Variants in AMZ1 observed in about 807,000 individuals in gnomAD.
AMZ1 encodes archaelysin family metallopeptidase 1, also known as archaemetzincin-1.
AMZ1 carries 39 observed loss-of-function variants against 29.9 expected under a neutral mutation model. The observed-to-expected ratio is 1.30, with a 90% CI of 1.01 to 1.70. AMZ1 has a LOEUF of 1.70. AMZ1 is among the 40% of genes most tolerant of loss of function. The pLI, the probability that AMZ1 is intolerant of heterozygous loss-of-function variation, is 0.00. For synonymous variants in AMZ1, 458 were observed against 304.0 expected, an observed-to-expected ratio of 1.51 and a Z score of -5.27; for missense variants, 1,041 against 680.6, an observed-to-expected ratio of 1.53 and a Z score of -5.89.
rs1789888890 is a variant in AMZ1 at position 2,731,421 on chromosome 7, C to T, written n.550+21605C>T. On this transcript the variant is annotated intron_variant and non_coding_transcript_variant, in intron 4 of 4. Coordinates refer to the AMZ1 transcript ENST00000489665. This position sits in a 1 kb window ranked among gnomAD's most constrained non-coding sequence, Gnocchi z 6.0. ...TGATGCTCACGGTCTTCACCTTCTC[C>T]ACCAGGAGGTCCATCTTGTTGAGGA... 6.2e-7 allele frequency: 1 copy of T among 1,613,364 alleles called. No homozygotes were observed. Among genetic ancestry groups the T allele is most frequent in the Admixed American group, 1.7e-5 (1 of 59,960 alleles).
At chr7:2,751,872 A>G (rs1791057538) in intron 4 of AMZ1, among the ~76,000 whole-genome samples, 2 of 152,188 alleles carry the variant, frequency 1.3e-5, no homozygotes, top group African/African-American at 2.4e-5. Flanking sequence ...AACAACAACA[A>G]AACTTCCCCA....
At chr7:2,709,408 G>A (rs1788601126) in intron 5 of AMZ1, among the ~76,000 whole-genome samples, 164 bp downstream of exon 5, 1 of 152,060 alleles carries the variant, frequency 6.6e-6, no homozygotes, top group Non-Finnish European at 1.5e-5. Context: ...CAGCAGGGGA[G>A]GGATTAGAGC....
intron 4 of AMZ1, chr7:2,733,302 G>A (rs1284644393): frequency 8.9e-6 from 6 of 677,246 alleles, no homozygotes; most frequent in South Asian, 5.2e-5. Context: ...AAGTGAGAGC[G>A]TGCCATTACA....
intron 4 of AMZ1, among the ~76,000 whole-genome samples, chr7:2,736,338 T>C (rs1027091989): frequency 2.0e-5 from 3 of 152,240 alleles, no homozygotes; most frequent in African/African-American, 7.2e-5. Flanking sequence ...GTGAAAAACC[T>C]ACACCACTCA....
upstream of AMZ1, among the ~76,000 whole-genome samples, chr7:2,687,407 G>A (rs147764473): frequency 3.1e-4 from 47 of 152,318 alleles, no homozygotes; most frequent in African/African-American, 1.1e-3. Context: ...TGCTGAGGGC[G>A]TGGGGGGCAT....
rs1789864205 is a variant in AMZ1, at chr7:2,731,088, C to T, written n.550+21272C>T. The T allele has an allele frequency of 6.0e-6, 5 of 826,484 alleles. No homozygotes were observed. Among genetic ancestry groups the T allele is most frequent in the Non-Finnish European group, 9.6e-6 (5 of 519,572 alleles). 51.2% of individuals were successfully genotyped at this position (826,484 alleles called of 1,614,324 possible). A position where few individuals can be genotyped will look rare whatever the true frequency, so the allele number is the denominator to read the frequency against. The stretch of plus-strand genomic sequence containing the variant: ...ATTCCAGGGCACGGATCCGAGAAAC[C>T]CACTCAAGGACCACACAGACAACAC... On this transcript the variant is annotated intron_variant and non_coding_transcript_variant, in intron 4 of 4. Coordinates refer to the AMZ1 transcript ENST00000489665. The surrounding 1 kb of genome is among the most constrained non-coding windows in gnomAD (Gnocchi z 6.0).
intron 4 of AMZ1, among the ~76,000 whole-genome samples, chr7:2,736,228 G>A (rs1425675036): frequency 9.9e-5 from 15 of 152,178 alleles, no homozygotes; most frequent in Admixed American, 9.8e-4. Flanking sequence ...GAGGCACTGT[G>A]CCTGCCAAGA....
At chr7:2,727,248 A>G (rs1168338083) in intron 4 of AMZ1, among the ~76,000 whole-genome samples, 2 of 151,820 alleles carry the variant, frequency 1.3e-5, no homozygotes, top group Non-Finnish European at 2.9e-5. Flanking sequence ...CACCCAGCTA[A>G]TTTTTGTATT....
chr7:2,706,004 C>T (rs181207085), intron 3 of AMZ1, among the ~76,000 whole-genome samples: 2 of 152,324 alleles, frequency 1.3e-5, no homozygotes, highest in Non-Finnish European at 2.9e-5. Context: ...AGGGTCACTC[C>T]AGGGCTTTCC....
Position 2,709,174 on chromosome 7 carries a change from C to T in AMZ1, c.701C>T (p.Pro234Leu), listed in dbSNP as rs772735714. ...CTGGTAGAGGCAGCAGCAGACGGCC[C>T]CGAGGCCCCCCTGCAGGACAGGGGC... ...LALVEAAADG[P>L]EAPLQDRGWA... The change falls in exon 5 of 7, where the codon CCC becomes CTC. Residue 234 changes from proline (P) to leucine (L), a missense_variant. Pro to Leu is a moderately conservative substitution (Grantham distance 98, BLOSUM62 -3). Coordinates refer to ENST00000683327, the MANE Select transcript of AMZ1 (RefSeq NM_001384743.1). 5 of 1,546,280 alleles carry T rather than the reference C, an allele frequency of 3.2e-6. 1 individual carries two copies. The African/African-American group carries it at 6.9e-5, about 21-fold the overall frequency.
At chr7:2,696,297 C>CCCAGGCTG (rs1275957675) in intron 1 of AMZ1, among the ~76,000 whole-genome samples, 1 of 144,490 alleles carries the variant, frequency 6.9e-6, no homozygotes, top group African/African-American at 2.6e-5. Flanking sequence ...CGCTCTGTCA[C>CCCAGGCTG]CCAGGCTGGA....
In AMZ1 at chr7:2,700,565, T is replaced by C; in HGVS notation, c.114T>C (p.Pro38=). The change falls in exon 2 of 7, where the codon CCT becomes CCC. Residue 38 remains proline (P), a synonymous_variant. Transcript: ENST00000683327. The part of the protein sequence containing the change: ...LQQLYVSAFS[P]AERLFLAEAY... ...AGCTGTATGTGTCCGCCTTCTCCCC[T>C]GCCGAGCGGCTCTTCCTGGCCGAGG... 6.2e-7 allele frequency: 1 copy of C among 1,609,960 alleles called. No homozygotes were observed. Among genetic ancestry groups the C allele is most frequent in the Non-Finnish European group, 8.5e-7 (1 of 1,179,946 alleles).
At chr7:2,695,434 C>T (rs1787653372) in intron 1 of AMZ1, among the ~76,000 whole-genome samples, 1 of 152,066 alleles carries the variant, frequency 6.6e-6, no homozygotes, top group Admixed American at 6.6e-5. Flanking sequence ...TCTGCATGTT[C>T]AGGCCCATGT....
chr7:2,707,084 C>G (rs773575418), intron 3 of AMZ1, among the ~76,000 whole-genome samples: 1 of 152,134 alleles, frequency 6.6e-6, no homozygotes, highest in Non-Finnish European at 1.5e-5. Context: ...ACCAGCTTGA[C>G]TAACATGGTG....
In AMZ1 at chr7:2,712,389, G is replaced by C; in HGVS notation, c.1008G>C (p.Glu336Asp). 1 of 1,609,692 alleles carries C rather than the reference G, an allele frequency of 6.2e-7. No individual in the cohort carries two copies. The highest frequency in any genetic ancestry group is 1.1e-5 in the South Asian group (1 of 90,646). Residue 336 changes from glutamate to aspartate, a missense_variant, in exon 7 of 7, where the codon GAG becomes GAC. By Grantham distance (45) the Glu-to-Asp change is conservative. Transcript: ENST00000683327. ...VGTWPSQEAG[E>D]PSVWEDTPPA... ...CGTGGCCCAGCCAGGAGGCGGGGGA[G>C]CCGTCAGTGTGGGAGGACACCCCGC...
chr7:2,701,368 C>T (rs544419829), intron 2 of AMZ1, among the ~76,000 whole-genome samples: 3 of 152,230 alleles, frequency 2.0e-5, no homozygotes, highest in South Asian at 4.1e-4. Flanking sequence ...GGGACTGGAA[C>T]GCAGTTCTAT....
At chr7:2,750,319 G>A (rs572637467) in intron 4 of AMZ1, among the ~76,000 whole-genome samples, 3 of 152,292 alleles carry the variant, frequency 2.0e-5, no homozygotes, top group Middle Eastern at 3.4e-3. Flanking sequence ...GCAGAGAATC[G>A]CAGTTTACCA....
chr7:2,704,614 TAAG>T, intron 3 of AMZ1, among the ~76,000 whole-genome samples: 1 of 112,626 alleles, frequency 8.9e-6, no homozygotes, highest in Non-Finnish European at 2.0e-5. Flanking sequence ...TTTTTTTTTT[TAAG>T]ACGGAGTCTT....
intron 1 of AMZ1, among the ~76,000 whole-genome samples, chr7:2,681,641 C>T (rs1437578361): frequency 1.3e-5 from 2 of 152,128 alleles, no homozygotes; most frequent in Admixed American, 6.5e-5. Flanking sequence ...TCAAGACAGA[C>T]CCCGACAGGG....
Sources: gnomAD v4.1 joint callset for allele counts (sites outside exome capture counted in the v4.1 genomes callset) on GRCh38, gnomAD v4.1.1 for gene constraint, Gnocchi (gnomAD v3.1) non-coding constraint, MANE v1.5 for transcripts, NCBI Gene and HGNC (gene_info 2026-07-23, HGNC 2026-07-21) for gene names.